Variants in ZCCHC7 observed in about 807,000 individuals in gnomAD.
ZCCHC7 encodes zinc finger CCHC domain-containing protein 7.
In ZCCHC7, 35 loss-of-function variants were observed where a neutral mutation model predicts 52.0. The ratio of observed to expected loss-of-function variants is 0.67; its 90% CI spans 0.51 to 0.89. ZCCHC7 has a LOEUF of 0.89. Among genes scored for constraint, ZCCHC7 ranks in the 40% least tolerant of loss-of-function variants. The pLI is 0.00. For missense variants in ZCCHC7, 574 were observed against 649.1 expected (o/e 0.88, Z 1.26); for synonymous variants, 217 against 221.5 (o/e 0.98, Z 0.18).
At chr9:37,140,375 A>G (rs1017902572) in intron 2 of ZCCHC7, among the ~76,000 whole-genome samples, 1 of 152,014 alleles carries the variant, frequency 6.6e-6, no homozygotes, top group African/African-American at 2.4e-5. Flanking sequence ...AAAATGATAC[A>G]AATTTTGTGG....
intron 2 of ZCCHC7, among the ~76,000 whole-genome samples, chr9:37,262,216 ATT>A (rs35551852): frequency 0.087 from 12,792 of 147,146 alleles, 738 homozygotes; most frequent in Middle Eastern, 0.16. Flanking sequence ...GAAAAAGGTG[ATT>A]TTTTTTTTTT....
At chr9:37,228,898 C>A (rs569588446) in intron 2 of ZCCHC7, among the ~76,000 whole-genome samples, 1 of 147,520 alleles carries the variant, frequency 6.8e-6, no homozygotes, top group South Asian at 2.2e-4. Flanking sequence ...TGCAGTGGCG[C>A]AATCTCAGCT....
intron 2 of ZCCHC7, among the ~76,000 whole-genome samples, chr9:37,298,693 T>C (rs1309345258): frequency 6.6e-6 from 1 of 152,222 alleles, no homozygotes; most frequent in Non-Finnish European, 1.5e-5. Flanking sequence ...TTGATTTTTA[T>C]AGTGATTACC....
chr9:37,346,524 A>G (rs1355723999), intron 6 of ZCCHC7, among the ~76,000 whole-genome samples: 1 of 152,148 alleles, frequency 6.6e-6, no homozygotes, highest in African/African-American at 2.4e-5. Context: ...AAAAATAGAA[A>G]AAATAGCTGG....
chr9:37,167,449 A>G (rs796795255), intron 2 of ZCCHC7, among the ~76,000 whole-genome samples: 3 of 152,036 alleles, frequency 2.0e-5, no homozygotes, highest in African/African-American at 4.8e-5. Context: ...TGTCTGTACT[A>G]TTTGAATGTA....
In ZCCHC7 at chr9:37,262,753, A is replaced by G. The variant is rs77929467; in HGVS notation, c.611-39435A>G. Among the ~76,000 whole-genome samples the G allele has an allele frequency of 3.4e-3, 523 of 152,210 alleles. 3 individuals are homozygous for G. The highest frequency in any genetic ancestry group is 0.012 in the African/African-American group (501 of 41,536). On this transcript the variant is annotated intron_variant, in intron 2 of 8. Coordinates refer to ENST00000336755, the MANE Select transcript of ZCCHC7 (RefSeq NM_032226.3). ...GCTCTGCTGTAGCTCCTTACTTTTC[A>G]TGTCTTAAAAGACATTGTTGACAGA...
At chr9:37,169,984 A>G (rs1821642578) in intron 2 of ZCCHC7, among the ~76,000 whole-genome samples, 1 of 151,972 alleles carries the variant, frequency 6.6e-6, no homozygotes, top group Admixed American at 6.6e-5. Flanking sequence ...GGATCGCTTG[A>G]GCCCAGGAAG....
chr9:37,333,621 CT>C (rs995203855), intron 6 of ZCCHC7, among the ~76,000 whole-genome samples: 2 of 151,386 alleles, frequency 1.3e-5, no homozygotes, highest in Non-Finnish European at 3.0e-5. Flanking sequence ...CACGTTTGCA[CT>C]TTTTTTTATT....
intron 5 of ZCCHC7, among the ~76,000 whole-genome samples, chr9:37,320,701 TA>T (rs767123717): frequency 4.6e-5 from 7 of 152,100 alleles, no homozygotes; most frequent in Admixed American, 4.6e-4. Context: ...CTTGGAATTA[TA>T]AAAAAAGGTA....
At chr9:37,250,964 T>C (rs1249152191) in intron 2 of ZCCHC7, among the ~76,000 whole-genome samples, 1 of 152,210 alleles carries the variant, frequency 6.6e-6, no homozygotes, top group African/African-American at 2.4e-5. Flanking sequence ...CTCCATCTAC[T>C]TGGAAGTTTT....
chr9:37,276,265 G>A (rs771487127), intron 2 of ZCCHC7, among the ~76,000 whole-genome samples: 1 of 152,130 alleles, frequency 6.6e-6, no homozygotes, highest in Non-Finnish European at 1.5e-5. Context: ...CTAGACATGC[G>A]TTCTTTATAT....
intron 5 of ZCCHC7, among the ~76,000 whole-genome samples, chr9:37,309,940 A>G (rs1829515877): frequency 6.6e-6 from 1 of 151,890 alleles, no homozygotes; most frequent in African/African-American, 2.4e-5. Context: ...AAAAAAAATG[A>G]AAGAAACTTG....
intron 2 of ZCCHC7, among the ~76,000 whole-genome samples, chr9:37,232,123 A>G (rs930447460): frequency 2.6e-5 from 4 of 152,328 alleles, no homozygotes; most frequent in South Asian, 2.1e-4. Context: ...TTTGTGCAGA[A>G]TTGTGTTGAT....
chr9:37,190,233 C>G (rs1822947031), intron 2 of ZCCHC7, among the ~76,000 whole-genome samples: 1 of 152,158 alleles, frequency 6.6e-6, no homozygotes, highest in Non-Finnish European at 1.5e-5. Flanking sequence ...GCTGTCACTG[C>G]TTCCACCACC....
intron 2 of ZCCHC7, among the ~76,000 whole-genome samples, chr9:37,285,234 T>C (rs1164974218): frequency 6.6e-6 from 1 of 152,198 alleles, no homozygotes; most frequent in African/African-American, 2.4e-5. Context: ...TGTAGGGCTA[T>C]ATTTATGTTC....
chr9:37,307,790 CAATT>C (rs1829399248), intron 5 of ZCCHC7, among the ~76,000 whole-genome samples: 1 of 152,188 alleles, frequency 6.6e-6, no homozygotes, highest in Admixed American at 6.5e-5. Context: ...AATAACATGA[CAATT>C]ATTTATTGTA....
At chr9:37,200,881 C>A (rs1823595539) in intron 2 of ZCCHC7, among the ~76,000 whole-genome samples, 1 of 152,120 alleles carries the variant, frequency 6.6e-6, no homozygotes, top group South Asian at 2.1e-4. Context: ...TTTAACTGGT[C>A]TTTTTTAAAA....
At chr9:37,325,506 A>G (rs557297379) in intron 5 of ZCCHC7, among the ~76,000 whole-genome samples, 19 of 152,334 alleles carry the variant, frequency 1.2e-4, no homozygotes, top group Non-Finnish European at 1.9e-4. Context: ...CAATAGATAC[A>G]TACATTTGGG....
intron 6 of ZCCHC7, among the ~76,000 whole-genome samples, chr9:37,335,459 T>C (rs1830607825): frequency 6.6e-6 from 1 of 152,192 alleles, no homozygotes; most frequent in African/African-American, 2.4e-5. Context: ...CTCAGTTTCT[T>C]CATCTGAAAA....
Sources: gnomAD v4.1 joint callset for allele counts (sites outside exome capture counted in the v4.1 genomes callset) on GRCh38, gnomAD v4.1.1 for gene constraint, MANE v1.5 for transcripts, NCBI Gene and HGNC (gene_info 2026-07-23, HGNC 2026-07-21) for gene names.